MCTP1: variants seen among roughly 807,000 people sequenced by gnomAD.
MCTP1 encodes the protein multiple C2 and transmembrane domain containing 1.
Under a neutral mutation model 120.6 loss-of-function variants are expected in MCTP1, and 69 were observed. That is an observed-to-expected ratio of 0.57 (90% confidence interval 0.47 to 0.70). The LOEUF (loss-of-function observed/expected upper bound fraction) is 0.70. Ranked by LOEUF, MCTP1 falls within the 30% of genes least tolerant of loss-of-function variation. The probability of loss-of-function intolerance (pLI) is 0.00; values close to 1 mark genes in which losing one functional copy is unlikely to be tolerated. For missense variants in MCTP1, 1,203 were observed against 1,248.8 expected, an observed-to-expected ratio of 0.96 and a Z score of 0.55; for synonymous variants, 529 against 493.1, an observed-to-expected ratio of 1.07 and a Z score of -0.96.
At position 94,778,964 on chromosome 5, in the gene MCTP1, C is replaced by T. The variant is rs186041123; in HGVS notation, c.2610+146G>A. ...TAGCCTTCTCTCCCTCTTTGCAACA[C>T]GCAGTGGCATTGTTAGGATGATAAA... On this transcript the variant is annotated intron_variant, in intron 19 of 22. Transcript: ENST00000515393. 40 of 678,692 alleles carry T rather than the reference C, an allele frequency of 5.9e-5. No individual in the cohort carries two copies. The Middle Eastern group carries it at 9.9e-4, about 17-fold the overall frequency. The allele number at this position is 678,692 out of a possible 1,614,324, so 42.0% of individuals were successfully genotyped here. A position where few individuals can be genotyped will look rare whatever the true frequency, so the allele number is the denominator to read the frequency against.
intron 17 of MCTP1, among the ~76,000 whole-genome samples, chr5:94,813,215 A>G (rs187217006): frequency 5.3e-4 from 81 of 152,326 alleles, no homozygotes; most frequent in African/African-American, 1.9e-3. Context: ...GCACATGAAA[A>G]GATGTTCAAA....
Position 95,218,194 on chromosome 5 carries a change from G to T in MCTP1, c.720+65662C>A, listed in dbSNP as rs115602203. On this transcript the variant is annotated intron_variant, in intron 1 of 22. Transcript: ENST00000515393. ...ACAGCAATGAGATAAGAGCTGGGAT[G>T]AAAAGAATTTGACAGAGCAAGAGTA... Among the ~76,000 whole-genome samples the T allele has an allele frequency of 8.6e-3, 1,310 of 152,330 alleles. 23 individuals carry two copies. Among genetic ancestry groups the T allele is most frequent in the African/African-American group, 0.03 (1,247 of 41,580 alleles).
chr5:94,773,095 T>C (rs1274492756), intron 19 of MCTP1, among the ~76,000 whole-genome samples: 2 of 152,192 alleles, frequency 1.3e-5, no homozygotes, highest in Non-Finnish European at 2.9e-5. Context: ...CACCAATAGG[T>C]TCACAAAGGA....
intron 9 of MCTP1, 24 bp from the exon 10 acceptor site, chr5:94,909,405 C>A: frequency 1.3e-6 from 2 of 1,568,016 alleles, no homozygotes; most frequent in South Asian, 1.2e-5. Flanking sequence ...TCATAATTGT[C>A]ATATTGCTAG....
chr5:95,259,793 G>A (rs1057445693), intron 1 of MCTP1, among the ~76,000 whole-genome samples: 5 of 152,036 alleles, frequency 3.3e-5, no homozygotes, highest in African/African-American at 9.7e-5. Flanking sequence ...CCCTGCCACC[G>A]GTACAATCCT....
In MCTP1 at chr5:94,982,884, CAAAAAAA is replaced by C. The variant is rs34561115; in HGVS notation, c.839-29530_839-29524del. Among the ~76,000 whole-genome samples, 140 of 28,612 alleles carry C rather than the reference CAAAAAAA, an allele frequency of 4.9e-3. 1 individual carries two copies. In the South Asian group the frequency reaches 0.072, roughly 15 times the overall value. 18.8% of individuals were successfully genotyped at this position (28,612 alleles called of 152,430 possible). On this transcript the variant is annotated intron_variant, in intron 2 of 22. Coordinates refer to ENST00000515393, the MANE Select transcript of MCTP1 (RefSeq NM_024717.7). ...ACCTGGGGGACAGAGCACACTTCAT[CAAAAAAA>C]AAAAAAAAAAAAAAAAAAAAAAGAT...
intron 1 of MCTP1, among the ~76,000 whole-genome samples, chr5:95,127,897 G>T (rs1355153330): frequency 6.6e-6 from 1 of 152,174 alleles, no homozygotes; most frequent in African/African-American, 2.4e-5. Context: ...CAATCTGAAT[G>T]GGAGGCAGGG....
intron 1 of MCTP1, among the ~76,000 whole-genome samples, chr5:95,133,390 G>A (rs560586767): frequency 6.6e-6 from 1 of 152,302 alleles, no homozygotes; most frequent in Admixed American, 6.5e-5. Context: ...ACTGTAATAA[G>A]GCCGGGTGCA....
chr5:95,192,901 C>A (rs1262390200), intron 1 of MCTP1, among the ~76,000 whole-genome samples: 1 of 152,094 alleles, frequency 6.6e-6, no homozygotes, highest in African/African-American at 2.4e-5. Context: ...TTGCTACTTG[C>A]TGATAAGATC....
At chr5:95,101,921 T>TA (rs2152371750) in intron 1 of MCTP1, among the ~76,000 whole-genome samples, 1 of 152,330 alleles carries the variant, frequency 6.6e-6, no homozygotes, top group Admixed American at 6.5e-5. Context: ...TTACAAGTAA[T>TA]ACTGTATTTC....
chr5:94,714,315 AAT>A (rs1213110905), intron 20 of MCTP1, among the ~76,000 whole-genome samples: 2 of 152,178 alleles, frequency 1.3e-5, no homozygotes, highest in Non-Finnish European at 2.9e-5. Context: ...ACTTGAAAAA[AAT>A]ATTTTTGCAG....
chr5:94,792,306 G>A (rs193231851), intron 18 of MCTP1: 1 of 152,524 alleles, frequency 6.6e-6, no homozygotes, highest in Admixed American at 6.5e-5. Context: ...CTGGCTTTGC[G>A]GATATTACTG....
At chr5:95,013,100 T>A (rs1836356655) in intron 2 of MCTP1, among the ~76,000 whole-genome samples, 1 of 152,044 alleles carries the variant, frequency 6.6e-6, no homozygotes, top group Non-Finnish European at 1.5e-5. Flanking sequence ...ATAGAGAAAG[T>A]GGGTGGTCTG....
intron 1 of MCTP1, among the ~76,000 whole-genome samples, chr5:95,179,487 G>A (rs1005976112): frequency 1.2e-4 from 18 of 152,182 alleles, no homozygotes; most frequent in Admixed American, 1.2e-3. Context: ...TTTCTTAGCA[G>A]AAACCATACA....
chr5:95,144,120 A>T (rs1334362209), intron 1 of MCTP1, among the ~76,000 whole-genome samples: 1 of 152,176 alleles, frequency 6.6e-6, no homozygotes. Context: ...GTGAGTTGGT[A>T]TCTCACTGTG....
At chr5:94,817,315 T>C (rs1423167519) in intron 17 of MCTP1, among the ~76,000 whole-genome samples, 4 of 152,026 alleles carry the variant, frequency 2.6e-5, no homozygotes, top group South Asian at 2.1e-4. Flanking sequence ...GGCTGAGGCA[T>C]GAGAATCGCT....
chr5:95,138,238 C>CCCG (rs1554213193), intron 1 of MCTP1, among the ~76,000 whole-genome samples: 21 of 150,516 alleles, frequency 1.4e-4, no homozygotes, highest in Admixed American at 1.3e-3. Context: ...ATGCAACCCC[C>CCCG]CCCCGACATT....
chr5:94,917,801 T>C (rs750364511), intron 8 of MCTP1, 95 bp downstream of exon 8: 171 of 869,660 alleles, frequency 2.0e-4, no homozygotes, highest in Non-Finnish European at 3.0e-4. Flanking sequence ...TAGGTTAGTA[T>C]AGGGAGTGGG....
intron 2 of MCTP1, among the ~76,000 whole-genome samples, chr5:94,983,661 G>GTCAATCTA (rs1357815406): frequency 4.7e-3 from 75 of 16,082 alleles, no homozygotes; most frequent in Admixed American, 9.2e-3. Context: ...CTGTCTGTCT[G>GTCAATCTA]TCTGTCAATC....
Sources: gnomAD v4.1 joint callset for allele counts (sites outside exome capture counted in the v4.1 genomes callset) on GRCh38, gnomAD v4.1.1 for gene constraint, MANE v1.5 for transcripts, NCBI Gene and HGNC (gene_info 2026-07-23, HGNC 2026-07-21) for gene names.